Variants in ZCCHC7 observed in about 807,000 individuals in gnomAD.
The protein encoded by ZCCHC7 is zinc finger CCHC-type containing 7.
In ZCCHC7, 35 loss-of-function variants were observed where a neutral mutation model predicts 52.0. The ratio of observed to expected loss-of-function variants is 0.67; its 90% CI spans 0.51 to 0.89. The LOEUF (loss-of-function observed/expected upper bound fraction) is 0.89, where lower values mean the gene tolerates loss of function less well. Among genes scored for constraint, ZCCHC7 ranks in the 40% least tolerant of loss-of-function variants. The pLI is 0.00. For missense variants in ZCCHC7, 574 were observed against 649.1 expected (o/e 0.88, Z 1.26); for synonymous variants, 217 against 221.5 (o/e 0.98, Z 0.18).
At chr9:37,172,246 T>G (rs1410137824) in intron 2 of ZCCHC7, among the ~76,000 whole-genome samples, 1 of 152,250 alleles carries the variant, frequency 6.6e-6, no homozygotes, top group Non-Finnish European at 1.5e-5. Flanking sequence ...GCTAGGAAAA[T>G]CTGTTAAAAT....
At chr9:37,211,032 G>A (rs1359785096) in intron 2 of ZCCHC7, among the ~76,000 whole-genome samples, 2 of 152,168 alleles carry the variant, frequency 1.3e-5, no homozygotes, top group African/African-American at 2.4e-5. Flanking sequence ...GAATGCTAAT[G>A]TCTCCAGTTG....
At chr9:37,143,901 C>T (rs1843330265) in intron 2 of ZCCHC7, among the ~76,000 whole-genome samples, 2 of 151,750 alleles carry the variant, frequency 1.3e-5, no homozygotes, top group Admixed American at 6.6e-5. Context: ...ATTATGAGTA[C>T]AGAAATTAAA....
chr9:37,306,800 T>G (rs936973917), intron 5 of ZCCHC7, among the ~76,000 whole-genome samples: 5 of 81,326 alleles, frequency 6.1e-5, no homozygotes, highest in African/African-American at 2.7e-4. Flanking sequence ...TTTTTTTTTT[T>G]TTTTGGAGAC....
chr9:37,280,715 T>C (rs1443432043), intron 2 of ZCCHC7, among the ~76,000 whole-genome samples: 1 of 152,188 alleles, frequency 6.6e-6, no homozygotes, highest in Non-Finnish European at 1.5e-5. Flanking sequence ...GATTAGCTAA[T>C]TGTTACAGAT....
intron 2 of ZCCHC7, among the ~76,000 whole-genome samples, chr9:37,134,780 C>T (rs1842930851): frequency 6.6e-6 from 1 of 152,136 alleles, no homozygotes; most frequent in Non-Finnish European, 1.5e-5. Flanking sequence ...GGCTGGAGTG[C>T]AACAGTGCAG....
intron 2 of ZCCHC7, among the ~76,000 whole-genome samples, chr9:37,269,509 C>G (rs1236269441): frequency 1.3e-5 from 2 of 149,392 alleles, no homozygotes; most frequent in East Asian, 2.0e-4. Flanking sequence ...GTCCCAGCTA[C>G]CAGGGAGGCT....
intron 2 of ZCCHC7, among the ~76,000 whole-genome samples, chr9:37,273,875 T>C (rs769023722): frequency 2.6e-5 from 4 of 152,226 alleles, no homozygotes; most frequent in South Asian, 2.1e-4. Context: ...GTTCCAGATA[T>C]GAACACTTTG....
intron 2 of ZCCHC7, among the ~76,000 whole-genome samples, chr9:37,128,564 C>A (rs947563722): frequency 3.3e-5 from 5 of 152,154 alleles, no homozygotes; most frequent in African/African-American, 1.2e-4. Flanking sequence ...AGCTACTACT[C>A]TTACATGACT....
At chr9:37,298,812 A>G (rs1386452819) in intron 2 of ZCCHC7, among the ~76,000 whole-genome samples, 2 of 152,144 alleles carry the variant, frequency 1.3e-5, no homozygotes, top group Admixed American at 6.5e-5. Context: ...GCCTTCTGTA[A>G]CTTTTTTCCT....
chr9:37,246,925 G>GT (rs1325512905), intron 2 of ZCCHC7, among the ~76,000 whole-genome samples: 4 of 152,064 alleles, frequency 2.6e-5, no homozygotes, highest in Non-Finnish European at 4.4e-5. Context: ...TCACATACCT[G>GT]TTTTTTGTGA....
intron 2 of ZCCHC7, among the ~76,000 whole-genome samples, chr9:37,127,548 A>T (rs7856690): frequency 0.41 from 62,598 of 151,944 alleles, 14,382 homozygotes; most frequent in African/African-American, 0.62. Context: ...GGTGTTAGTT[A>T]TGTCTCTGTG....
chr9:37,234,961 A>G (rs573412100), intron 2 of ZCCHC7, among the ~76,000 whole-genome samples: 1 of 152,304 alleles, frequency 6.6e-6, no homozygotes, highest in Non-Finnish European at 1.5e-5. Flanking sequence ...TTGATTATGT[A>G]CAATATATTC....
At position 37,126,796 on chromosome 9, in the gene ZCCHC7, T is replaced by C. The variant is rs759599128; in HGVS notation, c.464T>C (p.Ile155Thr). ...GGTGTAATCCGAGAGGTCATGATTA[T>C]AGAGGTCAGTTCAAGTGAAGAGGAA... ...RSGVIREVMI[I>T]EVSSSEEEES... The change falls in exon 2 of 9, where the codon ATA (isoleucine) becomes ACA (threonine). Residue 155 changes from isoleucine (I) to threonine (T), a missense_variant. Around this residue, in one of 3 missense-constraint regions of ZCCHC7, gnomAD observed 403 missense variants for 461.2 expected, o/e 0.87. Transcript: ENST00000336755. The C allele has an allele frequency of 6.2e-7, 1 of 1,614,090 alleles. No individual in the cohort carries two copies. The highest frequency in any genetic ancestry group is 1.1e-5 in the South Asian group (1 of 91,080).
intron 6 of ZCCHC7, among the ~76,000 whole-genome samples, chr9:37,339,758 G>C (rs570083690): frequency 2.0e-5 from 3 of 152,124 alleles, no homozygotes; most frequent in African/African-American, 7.2e-5. Context: ...TAGTCTTTAA[G>C]CATATGTGTG....
At chr9:37,251,989 A>G (rs990214490) in intron 2 of ZCCHC7, among the ~76,000 whole-genome samples, 1 of 152,136 alleles carries the variant, frequency 6.6e-6, no homozygotes, top group South Asian at 2.1e-4. Context: ...CTTTTTTAAT[A>G]TATAAAACAT....
intron 2 of ZCCHC7, among the ~76,000 whole-genome samples, chr9:37,204,346 A>G (rs936543692): frequency 1.3e-5 from 2 of 152,116 alleles, no homozygotes; most frequent in South Asian, 2.1e-4. Context: ...TTTTGTTGCA[A>G]TTGCTTTTGG....
intron 2 of ZCCHC7, among the ~76,000 whole-genome samples, chr9:37,280,992 A>G (rs907827440): frequency 6.6e-6 from 1 of 152,218 alleles, no homozygotes; most frequent in African/African-American, 2.4e-5. Context: ...AAGGACTGGG[A>G]TAGGCAGGTA....
intron 2 of ZCCHC7, among the ~76,000 whole-genome samples, chr9:37,227,481 A>G (rs895884415): frequency 1.3e-5 from 2 of 152,244 alleles, no homozygotes; most frequent in Non-Finnish European, 2.9e-5. Flanking sequence ...ATGTCAAGTA[A>G]CAAGAACTTG....
At chr9:37,155,342 C>G (rs1192987123) in intron 2 of ZCCHC7, among the ~76,000 whole-genome samples, 1 of 150,534 alleles carries the variant, frequency 6.6e-6, no homozygotes, top group Admixed American at 6.6e-5. Context: ...GGTGACAGAG[C>G]GAGACTCCGT....
Sources: allele counts gnomAD v4.1 joint callset (sites outside exome capture counted in the v4.1 genomes callset), GRCh38; gene constraint gnomAD v4.1.1; regional missense constraint gnomAD v4.1.1; transcripts MANE v1.5; gene names NCBI Gene and HGNC (gene_info 2026-07-23, HGNC 2026-07-21).